EHBP1: variants seen among roughly 807,000 people sequenced by gnomAD.
EHBP1 encodes EH domain-binding protein 1.
A neutral mutation model predicts 144.0 loss-of-function variants in EHBP1; 55 were observed. The observed-to-expected ratio is 0.38, with a 90% confidence interval of 0.31 to 0.48. The LOEUF (loss-of-function observed/expected upper bound fraction) is 0.48. Among genes scored for constraint, EHBP1 ranks in the 20% least tolerant of loss-of-function variants. The probability of loss-of-function intolerance (pLI) is 0.98; values close to 1 mark genes in which losing one functional copy is unlikely to be tolerated. For missense variants in EHBP1, 1,200 were observed against 1,364.2 expected, an observed-to-expected ratio of 0.88 and a Z score of 1.90; for synonymous variants, 469 against 472.7, an observed-to-expected ratio of 0.99 and a Z score of 0.10.
At chr2:62,808,997 G>C (rs1346727011) in intron 5 of EHBP1, among the ~76,000 whole-genome samples, 1 of 152,098 alleles carries the variant, frequency 6.6e-6, no homozygotes, top group African/African-American at 2.4e-5. Context: ...GCAGACCTTG[G>C]TAAGAGCAGA....
chr2:63,032,333 C>T (rs1357785534), intron 19 of EHBP1, among the ~76,000 whole-genome samples: 1 of 150,880 alleles, frequency 6.6e-6, no homozygotes, highest in African/African-American at 2.4e-5. Context: ...TTTTGGGAGG[C>T]GCAGGCGGGT....
chr2:62,971,250 AG>A (rs1214747818), intron 14 of EHBP1, among the ~76,000 whole-genome samples: 2 of 152,214 alleles, frequency 1.3e-5, no homozygotes, highest in East Asian at 3.9e-4. Context: ...GCACCATAAC[AG>A]GACTTTTGCC....
chr2:62,709,981 A>G (rs2034985419), intron 2 of EHBP1, among the ~76,000 whole-genome samples: 1 of 152,094 alleles, frequency 6.6e-6, no homozygotes, highest in Non-Finnish European at 1.5e-5. Context: ...TTTGGAGATG[A>G]TAGGGGTTTA....
At chr2:62,914,124 C>A (rs1574031526) in intron 10 of EHBP1, among the ~76,000 whole-genome samples, 3 of 152,164 alleles carry the variant, frequency 2.0e-5, no homozygotes, top group African/African-American at 7.2e-5. Context: ...TAAAAAAAAT[C>A]TCTGTTAAGC....
At chr2:62,802,515 TAC>T (rs2044079156) in intron 5 of EHBP1, among the ~76,000 whole-genome samples, 1 of 152,198 alleles carries the variant, frequency 6.6e-6, no homozygotes, top group Non-Finnish European at 1.5e-5. Context: ...TTGAGAAAGT[TAC>T]ACAGTTTTAA....
At chr2:62,746,822 A>T (rs926125238) in intron 2 of EHBP1, among the ~76,000 whole-genome samples, 23 of 152,042 alleles carry the variant, frequency 1.5e-4, no homozygotes, top group African/African-American at 5.6e-4. Flanking sequence ...AGAGCTTTTG[A>T]TTATTTAACT....
At chr2:62,742,258 G>T (rs1335787605) in intron 2 of EHBP1, among the ~76,000 whole-genome samples, 1 of 152,020 alleles carries the variant, frequency 6.6e-6, no homozygotes, top group Non-Finnish European at 1.5e-5. Context: ...TATACAAGAG[G>T]ATGTGTATAG....
intron 19 of EHBP1, among the ~76,000 whole-genome samples, chr2:63,016,023 G>C (rs942159364): frequency 6.6e-6 from 1 of 151,964 alleles, no homozygotes; most frequent in African/African-American, 2.4e-5. Flanking sequence ...TGATTACTAA[G>C]GTTCTGAAGT....
At chr2:62,709,983 A>G (rs1290238541) in intron 2 of EHBP1, among the ~76,000 whole-genome samples, 1 of 152,152 alleles carries the variant, frequency 6.6e-6, no homozygotes, top group East Asian at 1.9e-4. Context: ...TGGAGATGAT[A>G]GGGGTTTATA....
intron 7 of EHBP1, among the ~76,000 whole-genome samples, chr2:62,845,495 T>C (rs1378707342): frequency 6.6e-6 from 1 of 152,170 alleles, no homozygotes; most frequent in East Asian, 1.9e-4. Context: ...GACTCAGCCC[T>C]CTGAGATTAA....
intron 12 of EHBP1, among the ~76,000 whole-genome samples, chr2:62,944,064 T>C (rs978023965): frequency 1.3e-5 from 2 of 152,250 alleles, no homozygotes; most frequent in African/African-American, 4.8e-5. Flanking sequence ...CATATTATAA[T>C]ATGCATATTA....
At chr2:62,915,009 T>A (rs2054497404) in intron 10 of EHBP1, among the ~76,000 whole-genome samples, 1 of 152,052 alleles carries the variant, frequency 6.6e-6, no homozygotes. Flanking sequence ...AGTCTATTAT[T>A]AATATATATG....
In EHBP1 at chr2:62,747,482, A is replaced by G. The variant is rs781657751; in HGVS notation, c.162+30A>G. 7.8e-6 allele frequency: 12 copies of G among 1,543,354 alleles called. No homozygotes were observed. The South Asian group carries it at 1.4e-4, about 18-fold the overall frequency. On this transcript the variant is annotated intron_variant, in intron 3 of 22. Coordinates refer to ENST00000431489, the MANE Select transcript of EHBP1 (RefSeq NM_001142616.3). The stretch of plus-strand genomic sequence containing the variant: ...GTGTATTTTCTAAATTTCTTACCTA[A>G]TTGTTGAATACAAATTAGCAAACTG...
chr2:62,689,384 T>C (rs1314259439), intron 1 of EHBP1, among the ~76,000 whole-genome samples: 1 of 152,250 alleles, frequency 6.6e-6, no homozygotes, highest in African/African-American at 2.4e-5. Context: ...GGCTCACGCC[T>C]GTAATTCCAG....
chr2:63,022,277 CTTCCTCCTTCCTCT>C (rs1257586171), intron 19 of EHBP1, among the ~76,000 whole-genome samples: 3 of 151,852 alleles, frequency 2.0e-5, no homozygotes, highest in African/African-American at 7.3e-5. Context: ...TCCTCTCCTC[CTTCCTCCTTCCTCT>C]TTCCTCCTTC....
At chr2:62,730,946 CAGAG>C (rs1182939270) in intron 2 of EHBP1, among the ~76,000 whole-genome samples, 2 of 56,580 alleles carry the variant, frequency 3.5e-5, no homozygotes, top group Non-Finnish European at 7.7e-5. Context: ...GATAGAAAGA[CAGAG>C]AGAAAGATAC....
At chr2:62,945,586 C>CA (rs1273126255) in intron 12 of EHBP1, among the ~76,000 whole-genome samples, 5 of 151,956 alleles carry the variant, frequency 3.3e-5, no homozygotes, top group Non-Finnish European at 7.4e-5. Context: ...CCCATCTCTA[C>CA]AAAAAATGAA....
intron 10 of EHBP1, among the ~76,000 whole-genome samples, chr2:62,909,530 A>T (rs568711076): frequency 2.0e-5 from 3 of 152,272 alleles, no homozygotes; most frequent in Non-Finnish European, 4.4e-5. Context: ...TGAAAGACTT[A>T]AGACCAGAAA....
chr2:62,680,029 G>A (rs996413072), intron 1 of EHBP1, among the ~76,000 whole-genome samples: 2 of 152,246 alleles, frequency 1.3e-5, no homozygotes, highest in African/African-American at 4.8e-5. Flanking sequence ...TCTCCCAAAT[G>A]TGAGGGATTT....
Sources: allele counts gnomAD v4.1 joint callset (sites outside exome capture counted in the v4.1 genomes callset), GRCh38; gene constraint gnomAD v4.1.1; transcripts MANE v1.5; gene names NCBI Gene and HGNC (gene_info 2026-07-23, HGNC 2026-07-21).